The following ALDH9A1 variants were observed in gnomAD, a reference collection of about 807,000 sequenced individuals.
ALDH9A1 encodes the protein aldehyde dehydrogenase 9 family member A1, also known as 4-trimethylaminobutyraldehyde dehydrogenase.
A neutral mutation model predicts 56.6 loss-of-function variants in ALDH9A1; 42 were observed. The observed-to-expected ratio is 0.74, with a 90% CI of 0.58 to 0.96. ALDH9A1 has a LOEUF of 0.96. ALDH9A1 is among the 40% of genes least tolerant of loss of function. The probability of loss-of-function intolerance (pLI) is 0.00; values close to 1 mark genes in which losing one functional copy is unlikely to be tolerated. For missense variants in ALDH9A1, 661 were observed against 651.5 expected (o/e 1.01, Z -0.16); for synonymous variants, 242 against 236.0 (o/e 1.03, Z -0.23).
At chr1:165,664,652 T>G (rs374639008) in intron 10 of ALDH9A1, among the ~76,000 whole-genome samples, 11 of 152,354 alleles carry the variant, frequency 7.2e-5, no homozygotes, top group African/African-American at 2.2e-4. Context: ...AACTCCACAG[T>G]GGATGATGAT....
chr1:165,682,132 C>T lies in ALDH9A1; in HGVS notation c.567G>A (p.Trp189Ter). 6.2e-7 allele frequency: 1 copy of T among 1,614,126 alleles called. No homozygotes were observed. The highest frequency in any genetic ancestry group is 2.2e-5 in the East Asian group (1 of 44,888). ...AWNYPFQIASWKSAPALACGN... is the reference protein window; with the variant it reads ...AWNYPFQIAS ...CACAGGCTAATGCTGGAGCCGACTT[C>T]CAAGAGGCAATCTGAAAGGGGTAGT... The change falls in exon 4 of 11, where the codon TGG becomes TGA. Residue 189 changes from tryptophan to a stop codon, truncating the protein, a stop_gained. Coordinates refer to ENST00000354775, the MANE Select transcript of ALDH9A1 (RefSeq NM_000696.4). LOFTEE classifies it high-confidence loss of function.
chr1:165,690,734 C>G (rs113209414), intron 2 of ALDH9A1, among the ~76,000 whole-genome samples: 3 of 152,198 alleles, frequency 2.0e-5, no homozygotes, highest in Non-Finnish European at 4.4e-5. Context: ...TCGGCGGGTC[C>G]CCCACCCATG....
At position 165,680,526 on chromosome 1, in the gene ALDH9A1, G is replaced by A. The variant is rs373284118; in HGVS notation, c.750C>T (p.Ala250=). 15 of 1,614,050 alleles carry A rather than the reference G, an allele frequency of 9.3e-6. No homozygotes were observed. In the African/African-American group the frequency reaches 1.9e-4, roughly 20 times the overall value. Residue 250 remains alanine, a synonymous_variant, in exon 5 of 11, where the codon GCC becomes GCT. Transcript: ENST00000354775. ...GQFLCQHPDV[A]KVSFTGSVPT... ...GCACACTTCCAGTGAAGGAGACTTT[G>A]GCCACATCGGGATGCTGACACAGAA...
intron 9 of ALDH9A1, 60 bp downstream of exon 9, chr1:165,667,249 C>G: frequency 6.3e-7 from 1 of 1,598,654 alleles, no homozygotes; most frequent in Non-Finnish European, 8.5e-7. Flanking sequence ...AATTAAATAT[C>G]TAAGCAGATA....
chr1:165,689,458 A>G (rs1014917822), intron 2 of ALDH9A1, among the ~76,000 whole-genome samples: 1 of 152,166 alleles, frequency 6.6e-6, no homozygotes, highest in African/African-American at 2.4e-5. Context: ...TTAATAAGTA[A>G]TCTCAATCTC....
intron 2 of ALDH9A1, among the ~76,000 whole-genome samples, chr1:165,684,396 A>G (rs552180533): frequency 6.6e-6 from 1 of 152,240 alleles, no homozygotes; most frequent in Admixed American, 6.5e-5. Flanking sequence ...TAAACCAACA[A>G]TTTACCTTCT....
Position 165,682,984 on chromosome 1 carries a change from C to T in ALDH9A1, c.454G>A (p.Ala152Thr). 1 of 1,613,802 alleles carries T rather than the reference C, an allele frequency of 6.2e-7. No individual in the cohort carries two copies. Among genetic ancestry groups the T allele is most frequent in the Non-Finnish European group, 8.5e-7 (1 of 1,179,852 alleles). ...CAGACACCAGGTGAGGACTTACCAG[C>T]CATGGATGCAGCCAAGCCCGCATAA... ...EYYAGLAASM[A>T]GEHIQLPGGS... The change falls in exon 3 of 11, where the codon GCT becomes ACT. Residue 152 changes from alanine to threonine, a missense_variant. By Grantham distance (58) the Ala-to-Thr change is moderately conservative. Coordinates refer to ENST00000354775, the MANE Select transcript of ALDH9A1 (RefSeq NM_000696.4).
intron 2 of ALDH9A1, among the ~76,000 whole-genome samples, chr1:165,684,669 G>A (rs140118593): frequency 1.3e-5 from 2 of 152,220 alleles, no homozygotes; most frequent in African/African-American, 4.8e-5. Flanking sequence ...TGCATTAATC[G>A]GTTGAATAAA....
chr1:165,684,237 G>C (rs1558009411), intron 2 of ALDH9A1, among the ~76,000 whole-genome samples: 1 of 152,206 alleles, frequency 6.6e-6, no homozygotes, highest in Admixed American at 6.5e-5. Context: ...AGGGAAAAGA[G>C]TATCAGTCCT....
At chr1:165,694,394 T>C (rs1319062160) in intron 2 of ALDH9A1, among the ~76,000 whole-genome samples, 1 of 152,106 alleles carries the variant, frequency 6.6e-6, no homozygotes, top group Non-Finnish European at 1.5e-5. Flanking sequence ...ACCCTTTGCA[T>C]TGCAGGCTTT....
chr1:165,674,315 T>A (rs1187215945), intron 6 of ALDH9A1, among the ~76,000 whole-genome samples: 92 of 58,048 alleles, frequency 1.6e-3, no homozygotes, highest in South Asian at 2.8e-3. Context: ...TTCCTTTCAC[T>A]AAAAAAAAAA....
In ALDH9A1 at chr1:165,668,273, T is replaced by C. The variant is rs139697932; in HGVS notation, c.1207+653A>G. On this transcript the variant is annotated intron_variant, in intron 8 of 10. Coordinates refer to ENST00000354775, the MANE Select transcript of ALDH9A1 (RefSeq NM_000696.4). ...GGAGGTAGAGCCTAGTGGGAGGTGT[T>C]TGGGTCACGGGGCAAATCCCTCATG... Among the ~76,000 whole-genome samples, 934 of 152,308 alleles carry C rather than the reference T, an allele frequency of 6.1e-3. 25 individuals are homozygous for C. The South Asian group carries it at 0.069, about 11-fold the overall frequency.
chr1:165,670,761 G>A (rs145390737), intron 6 of ALDH9A1, among the ~76,000 whole-genome samples: 3 of 152,218 alleles, frequency 2.0e-5, no homozygotes, highest in Non-Finnish European at 2.9e-5. Context: ...TGAAAAAGAC[G>A]TTCAATGTCA....
chr1:165,695,134 G>GT, intron 2 of ALDH9A1, 118 bp downstream of exon 2: 1 of 1,201,682 alleles, frequency 8.3e-7, no homozygotes, highest in East Asian at 2.6e-5. Context: ...ATGTGGAAAT[G>GT]TTTTTCCATT....
chr1:165,666,147 A>G (rs1349197834), intron 9 of ALDH9A1, among the ~76,000 whole-genome samples: 2 of 152,252 alleles, frequency 1.3e-5, no homozygotes, highest in African/African-American at 4.8e-5. Context: ...AGCCAGTCAC[A>G]AAAGAATATA....
intron 2 of ALDH9A1, among the ~76,000 whole-genome samples, chr1:165,683,393 G>A (rs1296038378): frequency 6.6e-6 from 1 of 152,162 alleles, no homozygotes; most frequent in Non-Finnish European, 1.5e-5. Flanking sequence ...ATGAACCCAT[G>A]CCCTCTGAGG....
intron 2 of ALDH9A1, among the ~76,000 whole-genome samples, chr1:165,694,390 T>C (rs1649996551): frequency 6.6e-6 from 1 of 152,118 alleles, no homozygotes; most frequent in African/African-American, 2.4e-5. Flanking sequence ...AGAAACCCTT[T>C]GCATTGCAGG....
chr1:165,680,473 G>A lies in ALDH9A1; in HGVS notation c.789+14C>T, dbSNP rs2101747081. ...AATGCCATGTGTGTTGACCAATACTGGTTTTGTCCTCACCTTCATGCCAGT... is the reference window on the plus strand; with the variant it reads ...AATGCCATGTGTGTTGACCAATACTAGTTTTGTCCTCACCTTCATGCCAGT... On this transcript the variant is annotated intron_variant, in intron 5 of 10. Transcript: ENST00000354775. 6.2e-7 allele frequency: 1 copy of A among 1,613,318 alleles called. No individual in the cohort carries two copies. Among genetic ancestry groups the A allele is most frequent in the Non-Finnish European group, 8.5e-7 (1 of 1,179,798 alleles).
At chr1:165,684,013 C>T (rs903966476) in intron 2 of ALDH9A1, among the ~76,000 whole-genome samples, 3 of 152,154 alleles carry the variant, frequency 2.0e-5, no homozygotes, top group African/African-American at 7.2e-5. Context: ...AACTGATAAG[C>T]AGTAAGGCTG....
Sources: gnomAD v4.1 joint callset for allele counts (sites outside exome capture counted in the v4.1 genomes callset) on GRCh38, gnomAD v4.1.1 for gene constraint, MANE v1.5 for transcripts, NCBI Gene and HGNC (gene_info 2026-07-23, HGNC 2026-07-21) for gene names.